Variants in ANKRD6 observed in about 807,000 individuals in gnomAD.
ANKRD6 encodes the protein ankyrin repeat domain-containing protein 6.
In ANKRD6, 56 loss-of-function variants were observed where a neutral mutation model predicts 82.3. The ratio of observed to expected loss-of-function variants is 0.68; its 90% CI spans 0.55 to 0.85. The LOEUF is 0.85. Among genes scored for constraint, ANKRD6 ranks in the 40% least tolerant of loss-of-function variants. The pLI is 0.00. For missense variants in ANKRD6, 852 were observed against 907.6 expected (o/e 0.94, Z 0.79); for synonymous variants, 347 against 352.1 (o/e 0.99, Z 0.16).
intron 1 of ANKRD6, among the ~76,000 whole-genome samples, chr6:89,549,038 C>G (rs1156431199): frequency 1.3e-5 from 2 of 152,018 alleles, no homozygotes; most frequent in Admixed American, 6.6e-5. Flanking sequence ...GAAACCCTGT[C>G]TCAACAAAAA....
intron 2 of ANKRD6, among the ~76,000 whole-genome samples, chr6:89,570,061 A>ATGTGTGTGTGTG (rs1322156749): frequency 5.5e-5 from 4 of 72,842 alleles, no homozygotes; most frequent in African/African-American, 1.0e-4. Context: ...GTATGTGTGT[A>ATGTGTGTGTGTG]TATGTGTGTG....
intron 2 of ANKRD6, among the ~76,000 whole-genome samples, chr6:89,595,289 G>GGTTAGCCTGGC (rs1202847097): frequency 7.9e-5 from 12 of 152,176 alleles, no homozygotes; most frequent in African/African-American, 2.7e-4. Context: ...CTTGAGCCTG[G>GGTTAGCCTGGC]GTTAGCCTGG....
intron 1 of ANKRD6, 23 bp from the exon 2 acceptor site, chr6:89,566,811 C>A: frequency 1.1e-6 from 1 of 889,484 alleles, no homozygotes; most frequent in Non-Finnish European, 1.7e-6. Context: ...GCCCTGATGG[C>A]ACCTTTGTTT....
chr6:89,618,265 G>C lies in ANKRD6; in HGVS notation c.792+234G>C. On this transcript the variant is annotated intron_variant, in intron 9 of 15. Transcript: ENST00000339746. The stretch of plus-strand genomic sequence containing the variant: ...ATCTTCTCCCTGTGGCTGGATCTTT[G>C]TCACGGCCAGCTGCCTAGGTCATAG... 2 of 671,360 alleles carry C rather than the reference G, an allele frequency of 3.0e-6. 1 individual carries two copies. The highest frequency in any genetic ancestry group is 5.4e-6 in the Non-Finnish European group (2 of 371,066). The allele number at this position is 671,360 out of a possible 1,614,324, so 41.6% of individuals were successfully genotyped here.
chr6:89,616,519 T>A, intron 7 of ANKRD6, 40 bp from the exon 8 acceptor site: 1 of 1,594,844 alleles, frequency 6.3e-7, no homozygotes, highest in Non-Finnish European at 8.6e-7. Context: ...CTGTAGGCCA[T>A]GAGCAGATGA....
intron 8 of ANKRD6, 67 bp from the exon 9 acceptor site, chr6:89,617,887 C>G (rs1278844729): frequency 2.7e-6 from 4 of 1,491,030 alleles, no homozygotes; most frequent in East Asian, 4.5e-5. Context: ...CAGAGCTGTG[C>G]CAGCTGGGCT....
chr6:89,630,049 CATAG>C (rs1807012066), intron 15 of ANKRD6, among the ~76,000 whole-genome samples: 1 of 152,192 alleles, frequency 6.6e-6, no homozygotes, highest in African/African-American at 2.4e-5. Flanking sequence ...TACATATTCT[CATAG>C]ATAAATGTCC....
At chr6:89,583,603 T>C (rs1793074147) in intron 2 of ANKRD6, among the ~76,000 whole-genome samples, 1 of 152,126 alleles carries the variant, frequency 6.6e-6, no homozygotes, top group African/African-American at 2.4e-5. Context: ...TCAGACACGC[T>C]GTAATTGAGG....
Position 89,604,534 on chromosome 6 carries a change from T to G in ANKRD6, c.318+1407T>G, listed in dbSNP as rs1406519613. On this transcript the variant is annotated intron_variant, in intron 4 of 15. Coordinates refer to ENST00000339746, the MANE Select transcript of ANKRD6 (RefSeq NM_001242809.2). The stretch of plus-strand genomic sequence containing the variant: ...TGCTTTACTTTTTAAAAATAACTTT[T>G]CATTAAAGTATAATATACATACAGA... Among the ~76,000 whole-genome samples the G allele has an allele frequency of 4.6e-5, 7 of 152,170 alleles. No homozygotes were observed. The South Asian group carries it at 1.5e-3, about 32-fold the overall frequency.
At chr6:89,558,611 G>T (rs2128045719) in intron 1 of ANKRD6, among the ~76,000 whole-genome samples, 1 of 152,214 alleles carries the variant, frequency 6.6e-6, no homozygotes, top group Middle Eastern at 3.4e-3. Context: ...GAGTTTTAGG[G>T]CAGTGAAACT....
intron 1 of ANKRD6, among the ~76,000 whole-genome samples, chr6:89,519,416 A>G (rs1011739067): frequency 9.2e-5 from 14 of 152,204 alleles, no homozygotes; most frequent in African/African-American, 3.4e-4. Context: ...AACACAATGC[A>G]GTGGTGGATT....
At chr6:89,480,602 C>T (rs1562598853) in intron 1 of ANKRD6, among the ~76,000 whole-genome samples, 2 of 150,100 alleles carry the variant, frequency 1.3e-5, no homozygotes, top group African/African-American at 2.4e-5. Flanking sequence ...AAGATATCCT[C>T]CTCACTAATT....
At chr6:89,514,567 C>A (rs769097077) in intron 1 of ANKRD6, among the ~76,000 whole-genome samples, 1 of 152,156 alleles carries the variant, frequency 6.6e-6, no homozygotes, top group Non-Finnish European at 1.5e-5. Context: ...AAGATATCCT[C>A]AAAAGACTGT....
At chr6:89,507,235 A>G (rs1779980185) in intron 1 of ANKRD6, among the ~76,000 whole-genome samples, 1 of 152,228 alleles carries the variant, frequency 6.6e-6, no homozygotes, top group Non-Finnish European at 1.5e-5. Context: ...TTTATGGTTC[A>G]TATCATTACA....
At chr6:89,513,737 T>C (rs1780854302) in intron 1 of ANKRD6, among the ~76,000 whole-genome samples, 1 of 152,240 alleles carries the variant, frequency 6.6e-6, no homozygotes, top group Admixed American at 6.5e-5. Flanking sequence ...TTTGGTTAAC[T>C]ACATTCTGGA....
At chr6:89,535,227 C>T (rs1783672735) in intron 1 of ANKRD6, among the ~76,000 whole-genome samples, 1 of 151,918 alleles carries the variant, frequency 6.6e-6, no homozygotes, top group South Asian at 2.1e-4. Flanking sequence ...AGAAGTGTGC[C>T]CCTAGATGAT....
At chr6:89,617,211 C>T (rs1484546858) in intron 8 of ANKRD6, among the ~76,000 whole-genome samples, 1 of 152,166 alleles carries the variant, frequency 6.6e-6, no homozygotes, top group Non-Finnish European at 1.5e-5. Flanking sequence ...CTGGAGGGTG[C>T]AACAGCTGCT....
At chr6:89,586,053 C>T (rs1793615899) in intron 2 of ANKRD6, among the ~76,000 whole-genome samples, 1 of 152,116 alleles carries the variant, frequency 6.6e-6, no homozygotes, top group African/African-American at 2.4e-5. Flanking sequence ...ACCTTAATGT[C>T]AAAAACAGAT....
At position 89,627,707 on chromosome 6, in the gene ANKRD6, G is replaced by A. The variant is rs750859974; in HGVS notation, c.1485+11G>A. 1.2e-6 allele frequency: 2 copies of A among 1,611,830 alleles called. No homozygotes were observed. The highest frequency in any genetic ancestry group is 1.7e-6 in the Non-Finnish European group (2 of 1,178,208). On this transcript the variant is annotated intron_variant, in intron 14 of 15. Coordinates refer to ENST00000339746, the MANE Select transcript of ANKRD6 (RefSeq NM_001242809.2). ...GGGGAGAAACGACAGGTAGGAACCA[G>A]CATCTGCTAGTCCTTAACTTATGAT...
Sources: gnomAD v4.1 joint callset for allele counts (sites outside exome capture counted in the v4.1 genomes callset) on GRCh38, gnomAD v4.1.1 for gene constraint, MANE v1.5 for transcripts, NCBI Gene and HGNC (gene_info 2026-07-23, HGNC 2026-07-21) for gene names.